CAST: variants seen among roughly 807,000 people sequenced by gnomAD.
The protein encoded by CAST is MIR583 host.
In CAST, 76 loss-of-function variants were observed where a neutral mutation model predicts 119.6. The ratio of observed to expected loss-of-function variants is 0.64; its 90% CI spans 0.53 to 0.77. CAST has a LOEUF of 0.77. Among genes scored for constraint, CAST ranks in the 30% least tolerant of loss-of-function variants. CAST has a pLI of 0.00. For synonymous variants in CAST, 319 were observed against 331.6 expected, an observed-to-expected ratio of 0.96 and a Z score of 0.41; for missense variants, 953 against 946.5, an observed-to-expected ratio of 1.01 and a Z score of -0.09.
intron 2 of CAST, among the ~76,000 whole-genome samples, chr5:96,683,761 A>G (rs1014889660): frequency 5.3e-5 from 8 of 152,228 alleles, no homozygotes; most frequent in Non-Finnish European, 1.2e-4. Context: ...AATGTGTCAG[A>G]TAGGTTTTCA....
intron 1 of CAST, among the ~76,000 whole-genome samples, chr5:96,562,188 C>T (rs1746386569): frequency 1.5e-5 from 1 of 66,228 alleles, no homozygotes; most frequent in Non-Finnish European, 4.3e-5. Flanking sequence ...ACTTTTCATG[C>T]ACACACACAC....
chr5:96,352,549 A>G, the CAST span, among the ~76,000 whole-genome samples: 1 of 152,176 alleles, frequency 6.6e-6, no homozygotes, highest in African/African-American at 2.4e-5. Flanking sequence ...CTTTTTCTCT[A>G]TGTAGGAAGA....
chr5:96,762,766 C>A, intron 25 of CAST: 1 of 245,272 alleles, frequency 4.1e-6, no homozygotes, highest in Non-Finnish European at 7.8e-6. Flanking sequence ...TATTTAACCT[C>A]AAGTTTATTT....
the CAST span, among the ~76,000 whole-genome samples, chr5:96,358,221 TTTC>T: frequency 6.6e-6 from 1 of 151,674 alleles, no homozygotes; most frequent in African/African-American, 2.4e-5. Context: ...TCTTATCTCT[TTTC>T]TTCTTTATTA....
intron 1 of CAST, among the ~76,000 whole-genome samples, chr5:96,559,506 A>G (rs1004498721): frequency 6.6e-6 from 1 of 152,244 alleles, no homozygotes; most frequent in African/African-American, 2.4e-5. Flanking sequence ...CAACTTCAGC[A>G]AAGTCTCAGG....
the CAST span, among the ~76,000 whole-genome samples, chr5:96,321,141 C>A: frequency 6.6e-6 from 1 of 152,186 alleles, no homozygotes; most frequent in Non-Finnish European, 1.5e-5. Flanking sequence ...ATTCATAGAG[C>A]TCCACCTCGG....
At chr5:96,738,686 A>C (rs1171697012) in intron 11 of CAST, among the ~76,000 whole-genome samples, 1 of 152,090 alleles carries the variant, frequency 6.6e-6, no homozygotes. Context: ...TAATCCCAGC[A>C]CTTTGGGAGG....
chr5:96,728,472 A>AGT (rs1554087870), intron 6 of CAST: 1 of 137,250 alleles, frequency 7.3e-6, no homozygotes, highest in Admixed American at 7.2e-5. Flanking sequence ...CTATGAAAGG[A>AGT]GTTTTTTTTT....
chr5:96,401,981 G>C, the CAST span, among the ~76,000 whole-genome samples: 1 of 152,170 alleles, frequency 6.6e-6, no homozygotes, highest in Admixed American at 6.5e-5. Context: ...TTTGAGACCT[G>C]TATTGTTCCC....
At position 96,671,458 on chromosome 5, in the gene CAST, A is replaced by C. The variant is rs549643038; in HGVS notation, c.76-4081A>C. ...TTCTTGATGAAAATCCTAAGATCCT[A>C]GTTAGCTTTTAACTAGATCCAAAGT... On this transcript the variant is annotated intron_variant, in intron 1 of 31. Transcript: ENST00000675179. 2.6e-5 allele frequency among the ~76,000 whole-genome samples: 4 copies of C among 152,264 alleles called. No individual in the cohort carries two copies. In the South Asian group the frequency reaches 8.3e-4, roughly 32 times the overall value.
At chr5:96,659,632 G>A (rs1362619287), upstream of CAST, among the ~76,000 whole-genome samples, 1 of 152,134 alleles carries the variant, frequency 6.6e-6, no homozygotes, top group Non-Finnish European at 1.5e-5. Flanking sequence ...TTGTTCAGGC[G>A]ATTCTTGTGC....
the CAST span, among the ~76,000 whole-genome samples, chr5:96,371,857 T>A: frequency 1.3e-5 from 2 of 152,204 alleles, no homozygotes; most frequent in Non-Finnish European, 2.9e-5. Context: ...CAGCAGGATT[T>A]ATGACCATTA....
intron 1 of CAST, among the ~76,000 whole-genome samples, chr5:96,610,254 A>G (rs1176703678): frequency 6.6e-6 from 1 of 152,158 alleles, no homozygotes; most frequent in East Asian, 1.9e-4. Context: ...ACTGTGAGCC[A>G]TCAAGCTTCC....
chr5:95,969,343 A>G, the CAST span, among the ~76,000 whole-genome samples: 1 of 152,192 alleles, frequency 6.6e-6, no homozygotes, highest in African/African-American at 2.4e-5. Context: ...TAAGTAATGG[A>G]TTGGAATGGA....
chr5:96,748,838 A>T, intron 19 of CAST: 1 of 400,664 alleles, frequency 2.5e-6, no homozygotes, highest in Non-Finnish European at 4.5e-6. Context: ...AAGCTCTGGA[A>T]CCCATGCCTT....
At chr5:96,525,936 G>C (rs865938624), upstream of CAST, among the ~76,000 whole-genome samples, 11 of 152,178 alleles carry the variant, frequency 7.2e-5, no homozygotes, top group African/African-American at 2.7e-4. Context: ...AGGGAACTTT[G>C]GTCCAGAGTG....
At chr5:96,293,822 A>G in the CAST span, among the ~76,000 whole-genome samples, 5 of 151,876 alleles carry the variant, frequency 3.3e-5, no homozygotes, top group Admixed American at 6.6e-5. Flanking sequence ...CAGTAGCCCA[A>G]TCTCAGCTCA....
At chr5:96,166,305 A>T in the CAST span, among the ~76,000 whole-genome samples, 1 of 152,262 alleles carries the variant, frequency 6.6e-6, no homozygotes, top group Non-Finnish European at 1.5e-5. Context: ...TATCATTAAT[A>T]TAGTTGCAAG....
intron 1 of CAST, among the ~76,000 whole-genome samples, chr5:96,674,988 C>T (rs1482120871): frequency 2.0e-5 from 3 of 152,128 alleles, no homozygotes; most frequent in Non-Finnish European, 2.9e-5. Context: ...TATTTATCCT[C>T]GGTGTCCTAG....
Sources: gnomAD v4.1 joint callset for allele counts (sites outside exome capture counted in the v4.1 genomes callset) on GRCh38, gnomAD v4.1.1 for gene constraint, MANE v1.5 for transcripts, NCBI Gene and HGNC (gene_info 2026-07-23, HGNC 2026-07-21) for gene names.